CTNNA2: variants seen among roughly 807,000 people sequenced by gnomAD.
The protein encoded by CTNNA2 is catenin alpha 2, also known as catenin alpha-2.
A neutral mutation model predicts 101.0 loss-of-function variants in CTNNA2; 42 were observed. That is an observed-to-expected ratio of 0.42 (90% CI 0.32 to 0.54). The LOEUF (loss-of-function observed/expected upper bound fraction) is 0.54. Ranked by LOEUF, CTNNA2 falls within the 20% of genes least tolerant of loss-of-function variation. The pLI is 0.14. For missense variants in CTNNA2, 871 were observed against 1,223.1 expected (o/e 0.71, Z 4.29); for synonymous variants, 450 against 456.4 (o/e 0.99, Z 0.18).
At chr2:80,307,409 T>A (rs927397089) in intron 7 of CTNNA2, among the ~76,000 whole-genome samples, 2 of 152,102 alleles carry the variant, frequency 1.3e-5, no homozygotes, top group African/African-American at 4.8e-5. Flanking sequence ...CCACAGCAAG[T>A]CGATATGGCT....
At chr2:79,894,042 TTCTTCTTCTTCTTCTTCTTCTTCC>T (rs1240026432) in intron 6 of CTNNA2, among the ~76,000 whole-genome samples, 3 of 125,468 alleles carry the variant, frequency 2.4e-5, no homozygotes, top group African/African-American at 7.9e-5. Flanking sequence ...CTTCTTCTTC[TTCTTCTTCTTCTTCTTCTTCTTCC>T]TCCTCCTCCT....
At position 80,604,131 on chromosome 2, in the gene CTNNA2, C is replaced by G; in HGVS notation, c.2247C>G (p.Ala749=). The G allele has an allele frequency of 6.2e-7, 1 of 1,613,074 alleles. No individual in the cohort carries two copies. Residue 749 remains alanine (A), a synonymous_variant, in exon 16 of 19, where the codon GCC becomes GCG. Transcript: ENST00000402739. The part of the protein sequence containing the change: ...SDVINAAKKI[A]EAGSRMDKLA... ...TCATTAATGCTGCCAAGAAAATTGCCGAAGCAGGTTCTCGAATGGACAAAT... is the reference window on the plus strand; with the variant it reads ...TCATTAATGCTGCCAAGAAAATTGCGGAAGCAGGTTCTCGAATGGACAAAT...
At chr2:79,867,913 A>T (rs1168749182) in intron 4 of CTNNA2, among the ~76,000 whole-genome samples, 1 of 152,228 alleles carries the variant, frequency 6.6e-6, no homozygotes, top group East Asian at 1.9e-4. Context: ...TGTCCTTTCA[A>T]AGATGCTGTT....
intron 9 of CTNNA2, among the ~76,000 whole-genome samples, chr2:80,526,119 A>C (rs1013837620): frequency 7.2e-5 from 11 of 152,180 alleles, no homozygotes; most frequent in African/African-American, 2.7e-4. Flanking sequence ...AAGTTAGGCC[A>C]CTATAGTTCA....
chr2:80,281,347 C>T (rs570524524), intron 7 of CTNNA2, among the ~76,000 whole-genome samples: 19 of 152,126 alleles, frequency 1.2e-4, no homozygotes, highest in Non-Finnish European at 2.6e-4. Context: ...ATAAAAAGGT[C>T]AGCTTCTGAG....
upstream of CTNNA2, among the ~76,000 whole-genome samples, chr2:79,509,109 T>G (rs2103818703): frequency 6.6e-6 from 1 of 151,284 alleles, no homozygotes; most frequent in African/African-American, 2.4e-5. Flanking sequence ...TAAAACAAGT[T>G]ATTTTAATTT....
At chr2:80,435,136 A>G in intron 9 of CTNNA2, among the ~76,000 whole-genome samples, 1 of 152,178 alleles carries the variant, frequency 6.6e-6, no homozygotes, top group East Asian at 1.9e-4. Flanking sequence ...ACAACCAAAA[A>G]TGATCCAGAT....
intron 1 of CTNNA2, among the ~76,000 whole-genome samples, chr2:79,578,497 T>G (rs1262105265): frequency 6.6e-6 from 1 of 152,204 alleles, no homozygotes; most frequent in East Asian, 1.9e-4. Flanking sequence ...TATATTCTCC[T>G]CAAAGTTTAA....
At chr2:80,534,859 A>G (rs1173428735) in intron 9 of CTNNA2, among the ~76,000 whole-genome samples, 1 of 152,192 alleles carries the variant, frequency 6.6e-6, no homozygotes, top group African/African-American at 2.4e-5. Context: ...CTAGATGCCT[A>G]AAGATGTGTA....
intron 7 of CTNNA2, among the ~76,000 whole-genome samples, chr2:80,328,718 A>G (rs1282160449): frequency 6.6e-6 from 1 of 152,256 alleles, no homozygotes; most frequent in Non-Finnish European, 1.5e-5. Context: ...GATGACAGTC[A>G]TGCTTCCATT....
intron 1 of CTNNA2, among the ~76,000 whole-genome samples, chr2:79,569,074 A>T (rs540720590): frequency 2.0e-4 from 30 of 152,156 alleles, no homozygotes; most frequent in Non-Finnish European, 3.8e-4. Context: ...TTCTATTTTT[A>T]TATGAAGAAG....
chr2:79,957,380 A>G (rs982536783), intron 7 of CTNNA2, among the ~76,000 whole-genome samples: 3 of 152,080 alleles, frequency 2.0e-5, no homozygotes, highest in African/African-American at 4.8e-5. Flanking sequence ...GGTTGTGTCC[A>G]TGGAAGGCAC....
chr2:80,420,210 G>GA (rs1211496755), intron 9 of CTNNA2, among the ~76,000 whole-genome samples: 1 of 151,740 alleles, frequency 6.6e-6, no homozygotes, highest in Middle Eastern at 3.2e-3. Context: ...GGGTAATATT[G>GA]AAAAAAAATA....
At chr2:80,627,482 AT>A (rs1671803775) in intron 18 of CTNNA2, among the ~76,000 whole-genome samples, 1 of 151,990 alleles carries the variant, frequency 6.6e-6, no homozygotes, top group Non-Finnish European at 1.5e-5. Context: ...GATGAGCATT[AT>A]TTCATATGTT....
At position 79,260,258 on chromosome 2, in the gene CTNNA2, TCTCCCA is replaced by T. The variant is rs543701880; in HGVS notation, c.-405-52447_-405-52442del. On this transcript the variant is annotated intron_variant, in intron 2 of 21. Coordinates refer to the CTNNA2 transcript ENST00000466387. ...CAAGGAAGTGTTCTCCCACGGTCTC[TCTCCCA>T]CTCAATAGCTCCCTCCTTGCACAGA... is the stretch of plus-strand genomic sequence containing the variant. 2.8e-4 allele frequency among the ~76,000 whole-genome samples: 43 copies of T among 152,240 alleles called. 1 individual carries two copies. The East Asian group carries it at 8.3e-3, about 30-fold the overall frequency.
chr2:79,377,707 C>T (rs1168696905), intron 4 of CTNNA2, among the ~76,000 whole-genome samples: 1 of 152,160 alleles, frequency 6.6e-6, no homozygotes, highest in Non-Finnish European at 1.5e-5. Context: ...TTTCTAAGCT[C>T]AGGCTTCTTT....
intron 7 of CTNNA2, chr2:80,305,312 T>G (rs962036756): frequency 1.0e-6 from 1 of 985,350 alleles, no homozygotes; most frequent in Non-Finnish European, 1.2e-6. Flanking sequence ...TGAGATCCAG[T>G]GTGGCAAAAA....
chr2:80,323,063 C>G (rs935382426), intron 7 of CTNNA2, among the ~76,000 whole-genome samples: 1 of 152,206 alleles, frequency 6.6e-6, no homozygotes, highest in African/African-American at 2.4e-5. Flanking sequence ...GTCGTGGTCC[C>G]CCAGGTGCCC....
intron 9 of CTNNA2, among the ~76,000 whole-genome samples, chr2:80,494,482 TG>T (rs938750643): frequency 2.6e-5 from 4 of 151,874 alleles, no homozygotes; most frequent in African/African-American, 7.3e-5. Context: ...AGATGCATGG[TG>T]GGGGGGACTA....
Sources: allele counts gnomAD v4.1 joint callset (sites outside exome capture counted in the v4.1 genomes callset), GRCh38; gene constraint gnomAD v4.1.1; transcripts MANE v1.5; gene names NCBI Gene and HGNC (gene_info 2026-07-23, HGNC 2026-07-21).